The following EYS variants were observed in gnomAD, a reference collection of about 807,000 sequenced individuals.
The protein encoded by EYS is EGF-like photoreceptor maintenance factor.
Under a neutral mutation model 282.1 loss-of-function variants are expected in EYS, and 250 were observed. The observed-to-expected ratio is 0.89, with a 90% confidence interval of 0.80 to 0.98. EYS has a LOEUF of 0.98. EYS is among the 50% of genes least tolerant of loss of function. The pLI, the probability that EYS is intolerant of heterozygous loss-of-function variation, is 0.00. For synonymous variants in EYS, 1,355 were observed against 1,282.9 expected, an observed-to-expected ratio of 1.06 and a Z score of -1.20; for missense variants, 4,016 against 3,709.0, an observed-to-expected ratio of 1.08 and a Z score of -2.15.
intron 12 of EYS, among the ~76,000 whole-genome samples, chr6:65,248,926 A>G (rs1259537135): frequency 6.6e-6 from 1 of 151,988 alleles, no homozygotes. Flanking sequence ...TATAATAGGC[A>G]AGTTTGCCAA....
chr6:65,573,907 C>T (rs9351510), intron 2 of EYS, among the ~76,000 whole-genome samples: 32,434 of 152,038 alleles, frequency 0.21, 3,837 homozygotes, highest in East Asian at 0.31. Context: ...GCCTCTATGA[C>T]CCAGGCACTA....
At chr6:65,443,683 C>T (rs1234483371) in intron 5 of EYS, among the ~76,000 whole-genome samples, 1 of 149,824 alleles carries the variant, frequency 6.7e-6, no homozygotes, top group Non-Finnish European at 1.5e-5. Flanking sequence ...CATATACACA[C>T]ATACACATAT....
chr6:65,031,221 G>A (rs1208051257), intron 13 of EYS, among the ~76,000 whole-genome samples: 1 of 150,058 alleles, frequency 6.7e-6, no homozygotes, highest in African/African-American at 2.4e-5. Flanking sequence ...GGAGCACCCA[G>A]GTTCATAAAA....
intron 29 of EYS, among the ~76,000 whole-genome samples, chr6:64,360,569 T>A (rs1432178565): frequency 6.6e-6 from 1 of 151,776 alleles, no homozygotes; most frequent in Non-Finnish European, 1.5e-5. Context: ...TGAATACATT[T>A]TTTTGTCAGG....
intron 1 of EYS, among the ~76,000 whole-genome samples, chr6:65,700,114 C>CAAAAAAAAAAAAAAAAAA (rs1178482636): frequency 1.9e-5 from 1 of 51,792 alleles, no homozygotes. Context: ...GACTCCGTCT[C>CAAAAAAAAAAAAAAAAAA]AAAAAAAAAA....
chr6:64,421,406 A>G (rs1479724812), intron 28 of EYS, among the ~76,000 whole-genome samples: 1 of 152,162 alleles, frequency 6.6e-6, no homozygotes, highest in Non-Finnish European at 1.5e-5. Flanking sequence ...TTGGGTGGGG[A>G]CAAAGCCAAA....
chr6:65,515,998 T>C (rs1767117964), intron 2 of EYS, among the ~76,000 whole-genome samples: 1 of 151,912 alleles, frequency 6.6e-6, no homozygotes, highest in Non-Finnish European at 1.5e-5. Flanking sequence ...AAATATTATA[T>C]ATGTAATCCA....
At chr6:64,935,569 A>G (rs1768880524) in intron 15 of EYS, among the ~76,000 whole-genome samples, 1 of 151,694 alleles carries the variant, frequency 6.6e-6, no homozygotes, top group African/African-American at 2.4e-5. Context: ...CATTAACTAG[A>G]ATGATCAAGA....
intron 33 of EYS, among the ~76,000 whole-genome samples, chr6:64,044,932 T>C (rs1351257601): frequency 6.6e-6 from 1 of 152,208 alleles, no homozygotes; most frequent in African/African-American, 2.4e-5. Context: ...AAATTAAATT[T>C]AGACCTAATT....
chr6:64,706,187 C>A (rs2149929620), intron 22 of EYS, among the ~76,000 whole-genome samples: 1 of 152,108 alleles, frequency 6.6e-6, no homozygotes, highest in Middle Eastern at 3.4e-3. Flanking sequence ...GCCAACTAAT[C>A]TTCAACAAAG....
In EYS at chr6:63,740,235, A is replaced by G. The variant is rs185082019; in HGVS notation, c.8072-13555T>C. On this transcript the variant is annotated intron_variant, in intron 41 of 42. Coordinates refer to ENST00000503581, the MANE Select transcript of EYS (RefSeq NM_001142800.2). ...GAACCCAGTGGGAGGTGATTGAGTC[A>G]TGGGGGCAGGTCTTTCCTGTGCTGT... is the stretch of plus-strand genomic sequence containing the variant. Among the ~76,000 whole-genome samples, 31 of 152,122 alleles carry G rather than the reference A, an allele frequency of 2.0e-4. No individual in the cohort carries two copies. The East Asian group carries it at 5.8e-3, about 28-fold the overall frequency.
At chr6:65,188,878 G>C (rs1765574957) in intron 12 of EYS, among the ~76,000 whole-genome samples, 1 of 151,430 alleles carries the variant, frequency 6.6e-6, no homozygotes, top group Non-Finnish European at 1.5e-5. Context: ...GCTTCAGAGG[G>C]AATGCAGCCT....
chr6:64,755,333 T>C (rs1275636169), intron 22 of EYS, among the ~76,000 whole-genome samples: 1 of 152,070 alleles, frequency 6.6e-6, no homozygotes, highest in Admixed American at 6.5e-5. Flanking sequence ...TGCTCATGGA[T>C]TGGAAGAAAC....
At chr6:65,063,481 G>C (rs1159222653) in intron 12 of EYS, among the ~76,000 whole-genome samples, 2 of 151,948 alleles carry the variant, frequency 1.3e-5, no homozygotes, top group African/African-American at 4.8e-5. Context: ...ATAGAGTATG[G>C]TCAGAAAAAT....
At chr6:65,395,615 A>G (rs964215420) in intron 7 of EYS, among the ~76,000 whole-genome samples, 5 of 152,178 alleles carry the variant, frequency 3.3e-5, no homozygotes, top group Admixed American at 6.6e-5. Flanking sequence ...TACCTTGAAC[A>G]TTAATTCCCC....
chr6:64,090,806 T>G (rs1772331119), intron 31 of EYS, among the ~76,000 whole-genome samples: 1 of 152,194 alleles, frequency 6.6e-6, no homozygotes, highest in Non-Finnish European at 1.5e-5. Flanking sequence ...ATTTGGTTAT[T>G]TAATTCAAAT....
chr6:65,583,098 G>T (rs954996290), intron 2 of EYS, among the ~76,000 whole-genome samples: 2 of 151,880 alleles, frequency 1.3e-5, no homozygotes, highest in Non-Finnish European at 2.9e-5. Context: ...GACAAAAAAA[G>T]AAATTTGAAT....
intron 26 of EYS, among the ~76,000 whole-genome samples, chr6:64,466,125 A>C (rs1049566029): frequency 6.6e-6 from 1 of 152,112 alleles, no homozygotes; most frequent in Non-Finnish European, 1.5e-5. Flanking sequence ...GATGTGGCAA[A>C]AGGGGACACT....
intron 18 of EYS, 119 bp downstream of exon 18, chr6:64,901,994 A>C: frequency 1.5e-6 from 1 of 656,412 alleles, no homozygotes; most frequent in Non-Finnish European, 2.6e-6. Context: ...GTGCTGGTAC[A>C]AGCACAAATG....
Sources: allele counts gnomAD v4.1 joint callset (sites outside exome capture counted in the v4.1 genomes callset), GRCh38; gene constraint gnomAD v4.1.1; transcripts MANE v1.5; gene names NCBI Gene and HGNC (gene_info 2026-07-23, HGNC 2026-07-21).